FBXO38: variants seen among roughly 807,000 people sequenced by gnomAD.
FBXO38 encodes the protein F-box only protein 38.
Under a neutral mutation model 131.9 loss-of-function variants are expected in FBXO38, and 53 were observed. That is an observed-to-expected ratio of 0.40 (90% CI 0.32 to 0.51). The LOEUF is 0.51. FBXO38 is among the 20% of genes least tolerant of loss of function. The pLI, the probability that FBXO38 is intolerant of heterozygous loss-of-function variation, is 0.53. For missense variants in FBXO38, 1,076 were observed against 1,475.6 expected (o/e 0.73, Z 4.44); for synonymous variants, 452 against 505.6 (o/e 0.89, Z 1.42).
intron 6 of FBXO38, among the ~76,000 whole-genome samples, chr5:148,405,081 A>T (rs1423923736): frequency 1.3e-5 from 2 of 150,222 alleles, no homozygotes; most frequent in African/African-American, 4.9e-5. Context: ...TTTTCCTAGG[A>T]TTGTTTTATT....
chr5:148,396,420 A>T (rs1314416204), intron 2 of FBXO38, among the ~76,000 whole-genome samples: 1 of 152,190 alleles, frequency 6.6e-6, no homozygotes, highest in Non-Finnish European at 1.5e-5. Flanking sequence ...AGTGAGGAAA[A>T]GTTGGGTGGA....
chr5:148,405,561 A>G (rs1752399114), intron 6 of FBXO38, among the ~76,000 whole-genome samples: 1 of 152,086 alleles, frequency 6.6e-6, no homozygotes, highest in Admixed American at 6.6e-5. Flanking sequence ...TTTCCAAGAT[A>G]TATCTTCTTT....
rs1258785308 is a variant in FBXO38, at chr5:148,438,495, G to A, written c.3021G>A (p.Gln1007=). The A allele has an allele frequency of 4.3e-6, 7 of 1,610,020 alleles. No homozygotes were observed. The South Asian group carries it at 6.6e-5, about 15-fold the overall frequency. ...RNRIIYLRPM[Q]QVDTLTLEQK... The stretch of plus-strand genomic sequence containing the variant: ...GCATCATATACCTACGCCCAATGCA[G>A]CAGGTAACGAGCTTTGCTTCTTTCC... Residue 1007 remains glutamine (Q), a synonymous_variant, in exon 18 of 22, where the codon CAG becomes CAA. Coordinates refer to ENST00000340253, the MANE Select transcript of FBXO38 (RefSeq NM_205836.3).
At chr5:148,417,665 G>T (rs1222315588) in intron 12 of FBXO38, among the ~76,000 whole-genome samples, 1 of 152,124 alleles carries the variant, frequency 6.6e-6, no homozygotes, top group Non-Finnish European at 1.5e-5. Context: ...CCACCCTGCA[G>T]ATTAAGTACA....
chr5:148,417,324 GCTAGT>G, intron 12 of FBXO38, 120 bp downstream of exon 12: 2 of 754,384 alleles, frequency 2.7e-6, no homozygotes, highest in Non-Finnish European at 4.5e-6. Context: ...ATTGAGGAAA[GCTAGT>G]TGATAAGGAA....
intron 12 of FBXO38, 94 bp from the exon 13 acceptor site, chr5:148,423,904 G>A (rs1753574628): frequency 8.9e-7 from 1 of 1,127,126 alleles, no homozygotes; most frequent in Non-Finnish European, 1.3e-6. Context: ...TAATCAGCGG[G>A]ACTGTTCAGT....
Position 148,414,116 on chromosome 5 carries a change from T to TA in FBXO38, c.1094-18dup. The TA allele has an allele frequency of 6.4e-7, 1 of 1,570,782 alleles. No homozygotes were observed. Among genetic ancestry groups the TA allele is most frequent in the South Asian group, 1.2e-5 (1 of 84,248 alleles). On this transcript the variant is annotated intron_variant, in intron 9 of 21. Transcript: ENST00000340253. ...TTAAGAATTTGACTTTTTTTTTTTT[T>TA]AATTGATTGCTCTTTTTAGGCAGAA...
chr5:148,400,713 A>G (rs762118152), intron 3 of FBXO38, among the ~76,000 whole-genome samples: 8 of 152,112 alleles, frequency 5.3e-5, no homozygotes, highest in Non-Finnish European at 1.0e-4. Flanking sequence ...AGAAGATAGA[A>G]CTTTCCCCAT....
chr5:148,390,292 T>C (rs563091059), intron 1 of FBXO38, among the ~76,000 whole-genome samples: 49 of 152,328 alleles, frequency 3.2e-4, no homozygotes, highest in African/African-American at 1.0e-3. Flanking sequence ...TTTTATCTCC[T>C]GAACATTTTC....
chr5:148,410,958 TA>T, intron 9 of FBXO38, 193 bp downstream of exon 9: 1 of 534,520 alleles, frequency 1.9e-6, no homozygotes, highest in Admixed American at 3.8e-5. Context: ...CCTCTGATTT[TA>T]GCATATTATA....
Position 148,439,649 on chromosome 5 carries a change from G to C in FBXO38, c.3027G>C (p.Val1009=), listed in dbSNP as rs1171721903. The part of the protein sequence containing the change: ...RIIYLRPMQQ[V]DTLTLEQKLF... ...TCTCTTTATGATGTCTTCCACAGGT[G>C]GACACTCTAACTTTGGAGCAGAAGC... The change falls in exon 19 of 22, where the codon GTG becomes GTC. Residue 1009 remains valine (V), a splice_region_variant and synonymous_variant. Transcript: ENST00000340253. The C allele has an allele frequency of 2.3e-5, 37 of 1,613,274 alleles. No homozygotes were observed. The highest frequency in any genetic ancestry group is 3.1e-5 in the Non-Finnish European group (37 of 1,179,538).
intron 12 of FBXO38, among the ~76,000 whole-genome samples, chr5:148,422,935 C>G (rs1753521331): frequency 6.6e-6 from 1 of 151,418 alleles, no homozygotes; most frequent in Non-Finnish European, 1.5e-5. Flanking sequence ...GCATCTCTAT[C>G]ACAACACAGA....
At chr5:148,399,206 C>T (rs1752000085) in intron 3 of FBXO38, 74 bp downstream of exon 3, 4 of 1,541,264 alleles carry the variant, frequency 2.6e-6, no homozygotes, top group Admixed American at 3.7e-5. Context: ...TAAAAAGTTA[C>T]TTGTTGTCTT....
At chr5:148,419,020 T>A (rs1244098962) in intron 12 of FBXO38, among the ~76,000 whole-genome samples, 2 of 152,182 alleles carry the variant, frequency 1.3e-5, no homozygotes, top group East Asian at 3.8e-4. Flanking sequence ...GATAAGCTAT[T>A]TTGATTTAAG....
At chr5:148,395,089 G>A (rs1041889162) in intron 2 of FBXO38, among the ~76,000 whole-genome samples, 185 bp downstream of exon 2, 1 of 152,182 alleles carries the variant, frequency 6.6e-6, no homozygotes, top group African/African-American at 2.4e-5. Flanking sequence ...TATGTGGCTA[G>A]TGGACACGGT....
chr5:148,402,260 C>T, intron 4 of FBXO38, 88 bp from the exon 5 acceptor site: 3 of 1,535,226 alleles, frequency 2.0e-6, no homozygotes, highest in Non-Finnish European at 1.8e-6. Flanking sequence ...TTTTAAGTTC[C>T]ATTGTGTACT....
intron 7 of FBXO38, among the ~76,000 whole-genome samples, chr5:148,408,628 T>A (rs1384480240): frequency 6.6e-6 from 1 of 152,162 alleles, no homozygotes; most frequent in East Asian, 1.9e-4. Context: ...TATACAAACT[T>A]TGTGATTTTA....
intron 1 of FBXO38, among the ~76,000 whole-genome samples, chr5:148,388,518 G>A (rs1034486090): frequency 2.0e-5 from 3 of 152,224 alleles, no homozygotes; most frequent in Admixed American, 2.0e-4. Context: ...ATCTAAGTTA[G>A]ATCTTTTGGA....
intron 2 of FBXO38, among the ~76,000 whole-genome samples, chr5:148,397,434 T>G (rs1440759621): frequency 6.6e-6 from 1 of 152,180 alleles, no homozygotes; most frequent in African/African-American, 2.4e-5. Flanking sequence ...TAACAATATT[T>G]AGGAGAAAAA....
Sources: allele counts gnomAD v4.1 joint callset (sites outside exome capture counted in the v4.1 genomes callset), GRCh38; gene constraint gnomAD v4.1.1; transcripts MANE v1.5; gene names NCBI Gene and HGNC (gene_info 2026-07-23, HGNC 2026-07-21).